The following PLEKHG1 variants were observed in gnomAD, a reference collection of about 807,000 sequenced individuals.
PLEKHG1 encodes the protein pleckstrin homology and RhoGEF domain containing G1.
A neutral mutation model predicts 100.8 loss-of-function variants in PLEKHG1; 44 were observed. That is an observed-to-expected ratio of 0.44 (90% CI 0.34 to 0.56). The LOEUF is 0.56. Ranked by LOEUF, PLEKHG1 falls within the 20% of genes least tolerant of loss-of-function variation. PLEKHG1 has a pLI of 0.01. For missense variants in PLEKHG1, 1,545 were observed against 1,720.9 expected (o/e 0.90, Z 1.81); for synonymous variants, 640 against 662.5 (o/e 0.97, Z 0.52).
At chr6:150,662,135 G>A (rs144810040) in intron 3 of PLEKHG1, among the ~76,000 whole-genome samples, 94 of 152,228 alleles carry the variant, frequency 6.2e-4, no homozygotes, top group Middle Eastern at 3.4e-3. Context: ...TTAGGTTGAA[G>A]GAGAGAAGGC....
At chr6:150,835,834 C>T (rs1016773089) in intron 15 of PLEKHG1, among the ~76,000 whole-genome samples, 5 of 152,190 alleles carry the variant, frequency 3.3e-5, no homozygotes, top group African/African-American at 9.7e-5. Context: ...CAGTGACTCA[C>T]ACCTGTATGG....
At chr6:150,655,435 G>A (rs547114760) in intron 3 of PLEKHG1, among the ~76,000 whole-genome samples, 1 of 152,276 alleles carries the variant, frequency 6.6e-6, no homozygotes, top group Admixed American at 6.5e-5. Flanking sequence ...ATGGCCAGGT[G>A]CGGTGGCTCA....
chr6:150,678,436 A>G (rs1779834518), intron 3 of PLEKHG1, among the ~76,000 whole-genome samples: 1 of 152,166 alleles, frequency 6.6e-6, no homozygotes, highest in Admixed American at 6.5e-5. Flanking sequence ...TATAAGCAGG[A>G]ATTGTTTCAC....
intron 1 of PLEKHG1, among the ~76,000 whole-genome samples, chr6:150,609,863 G>A (rs1008714448): frequency 6.6e-6 from 1 of 152,190 alleles, no homozygotes; most frequent in Non-Finnish European, 1.5e-5. Context: ...AACGTGTGGG[G>A]CTTGGACAGC....
chr6:150,807,623 C>T (rs539508151), intron 7 of PLEKHG1, among the ~76,000 whole-genome samples: 14 of 152,118 alleles, frequency 9.2e-5, no homozygotes, highest in East Asian at 1.9e-4. Context: ...AGCACTAAAA[C>T]GGGGAGTGGG....
rs1784977020 is a variant in PLEKHG1, at chr6:150,776,577, G to A, written c.512+7839G>A. Reference sequence around the variant, plus strand: ...ACTGATGCAATCCTGGTGCACATGTGCAGTTGCACATTACTCACACTGATG... The same window carrying A: ...ACTGATGCAATCCTGGTGCACATGTACAGTTGCACATTACTCACACTGATG... On this transcript the variant is annotated intron_variant, in intron 3 of 15. Transcript: ENST00000358517. Among the ~76,000 whole-genome samples, 3 of 138,028 alleles carry A rather than the reference G, an allele frequency of 2.2e-5. 1 individual carries two copies. Among genetic ancestry groups the A allele is most frequent in the Admixed American group, 1.4e-4 (2 of 13,926 alleles). The allele number at this position is 138,028 out of a possible 152,430, so 90.6% of individuals were successfully genotyped here.
intron 1 of PLEKHG1, among the ~76,000 whole-genome samples, chr6:150,620,999 T>A (rs1777276864): frequency 6.6e-6 from 1 of 152,178 alleles, no homozygotes; most frequent in African/African-American, 2.4e-5. Flanking sequence ...GGGAAAACCT[T>A]TGGCCTCTCT....
intron 3 of PLEKHG1, among the ~76,000 whole-genome samples, chr6:150,709,369 C>G (rs572184329): frequency 6.6e-6 from 1 of 152,170 alleles, no homozygotes; most frequent in African/African-American, 2.4e-5. Flanking sequence ...GAATAAAAAG[C>G]ATTTTCCTGC....
At chr6:150,821,873 C>T (rs1216402735) in intron 13 of PLEKHG1, among the ~76,000 whole-genome samples, 11 of 149,292 alleles carry the variant, frequency 7.4e-5, no homozygotes, top group Admixed American at 2.0e-4. Context: ...CAGAGTCTTG[C>T]TCTTGTTGCC....
At chr6:150,796,009 C>A in intron 5 of PLEKHG1, 107 bp downstream of exon 6, 1 of 729,356 alleles carries the variant, frequency 1.4e-6, no homozygotes, top group Non-Finnish European at 2.4e-6. Flanking sequence ...TGGCCTTGTG[C>A]TGAATACTAT....
intron 2 of PLEKHG1, among the ~76,000 whole-genome samples, chr6:150,754,669 CTTTT>C (rs1203495060): frequency 5.0e-4 from 68 of 134,898 alleles, no homozygotes; most frequent in African/African-American, 1.6e-3. Flanking sequence ...GACTTTCTTT[CTTTT>C]TTTTTTTTTT....
chr6:150,822,740 G>A (rs1204777131), intron 13 of PLEKHG1, among the ~76,000 whole-genome samples: 1 of 152,220 alleles, frequency 6.6e-6, no homozygotes, highest in Non-Finnish European at 1.5e-5. Context: ...AACACTTTGG[G>A]AGGCCGAGGA....
At chr6:150,750,661 G>A (rs1410780351) in intron 2 of PLEKHG1, among the ~76,000 whole-genome samples, 1 of 147,884 alleles carries the variant, frequency 6.8e-6, no homozygotes, top group East Asian at 2.0e-4. Flanking sequence ...GGCGCCTGTA[G>A]TCCCAGCTAC....
chr6:150,733,591 C>A (rs897579714), exon 2 of PLEKHG1: 6 of 1,609,854 alleles, frequency 3.7e-6, no homozygotes, highest in Non-Finnish European at 5.1e-6. Context: ...TAGATGGGCA[C>A]CAGTTGCGTC....
rs183420385 is a variant in PLEKHG1 at position 150,736,068 on chromosome 6, A to G, written c.411+1976A>G. On this transcript the variant is annotated intron_variant, in intron 2 of 15. Coordinates refer to ENST00000358517, the Ensembl canonical transcript of PLEKHG1. ...TTTTCTAGGCAGGGCCAGATAGTAA[A>G]TAGTTTTGGCCTTATGGGGCCTAAG... Among the ~76,000 whole-genome samples the G allele has an allele frequency of 1.0e-3, 156 of 152,302 alleles. 6 individuals are homozygous for G. Among genetic ancestry groups the G allele is most frequent in the Admixed American group, 8.8e-3 (134 of 15,288 alleles).
chr6:150,814,869 A>ACCAC (rs1209883827), intron 10 of PLEKHG1, among the ~76,000 whole-genome samples: 1 of 152,054 alleles, frequency 6.6e-6, no homozygotes, highest in Non-Finnish European at 1.5e-5. Flanking sequence ...ACAGGCGCAC[A>ACCAC]CCACCACACC....
intron 1 of PLEKHG1, among the ~76,000 whole-genome samples, chr6:150,605,073 G>A (rs1166446149): frequency 6.6e-6 from 1 of 152,136 alleles, no homozygotes; most frequent in Admixed American, 6.5e-5. Context: ...CTCATTTATT[G>A]GACAGAGATG....
chr6:150,612,232 A>G (rs1256712767), intron 1 of PLEKHG1, among the ~76,000 whole-genome samples: 2 of 152,186 alleles, frequency 1.3e-5, no homozygotes, highest in African/African-American at 4.8e-5. Context: ...TCTTGCCTAG[A>G]CTTTTGGAAG....
chr6:150,628,575 C>CACACACACACACACACACACACATAT (rs754227842), intron 1 of PLEKHG1, among the ~76,000 whole-genome samples: 1 of 137,370 alleles, frequency 7.3e-6, no homozygotes, highest in Non-Finnish European at 1.6e-5. Flanking sequence ...CACACACACA[C>CACACACACACACACACACACACATAT]ACCCCGTCCT....
Sources: allele counts gnomAD v4.1 joint callset (sites outside exome capture counted in the v4.1 genomes callset), GRCh38; gene constraint gnomAD v4.1.1; transcripts MANE v1.5; gene names NCBI Gene and HGNC (gene_info 2026-07-23, HGNC 2026-07-21).